RIN2: variants seen among roughly 807,000 people sequenced by gnomAD.
The protein encoded by RIN2 is RAB5 interacting protein 2.
A neutral mutation model predicts 78.0 loss-of-function variants in RIN2; 36 were observed. The observed-to-expected ratio is 0.46, with a 90% CI of 0.35 to 0.61. The LOEUF is 0.61. Among genes scored for constraint, RIN2 ranks in the 20% least tolerant of loss-of-function variants. RIN2 has a pLI of 0.00. For synonymous variants in RIN2, 466 were observed against 466.8 expected (o/e 1.00, Z 0.02); for missense variants, 1,087 against 1,159.7 (o/e 0.94, Z 0.91).
intron 2 of RIN2, chr20:19,823,736 G>A: frequency 6.3e-7 from 1 of 1,590,428 alleles, no homozygotes; most frequent in Non-Finnish European, 8.5e-7. Flanking sequence ...ACCTCAATCT[G>A]GGCCTGTCTG....
intron 12 of RIN2, among the ~76,000 whole-genome samples, chr20:19,999,257 G>C (rs2043067022): frequency 6.6e-6 from 1 of 151,956 alleles, no homozygotes; most frequent in African/African-American, 2.4e-5. Context: ...GTCAAACAGG[G>C]ATTATGTAGA....
chr20:19,965,112 G>T, intron 7 of RIN2, 88 bp downstream of exon 7: 1 of 1,052,448 alleles, frequency 9.5e-7, no homozygotes, highest in Non-Finnish European at 1.5e-6. Context: ...GATCTAGGAG[G>T]CTGGCCACCT....
At chr20:19,776,503 AGAT>A (rs2034315164) in intron 1 of RIN2, among the ~76,000 whole-genome samples, 1 of 152,082 alleles carries the variant, frequency 6.6e-6, no homozygotes, top group African/African-American at 2.4e-5. Context: ...AGGCTGAGGC[AGAT>A]GGTTCACCTG....
intron 2 of RIN2, among the ~76,000 whole-genome samples, chr20:19,828,527 C>G (rs924709873): frequency 6.6e-6 from 1 of 152,118 alleles, no homozygotes; most frequent in Non-Finnish European, 1.5e-5. Flanking sequence ...TCACTTCCTG[C>G]GTTGATGGTG....
At chr20:19,934,799 G>A (rs1217123047) in intron 3 of RIN2, among the ~76,000 whole-genome samples, 1 of 151,722 alleles carries the variant, frequency 6.6e-6, no homozygotes, top group African/African-American at 2.4e-5. Context: ...AAGCTAACTG[G>A]GTGTTATATT....
chr20:19,906,736 G>A (rs1157948228), intron 3 of RIN2, among the ~76,000 whole-genome samples: 2 of 152,134 alleles, frequency 1.3e-5, no homozygotes, highest in Non-Finnish European at 2.9e-5. Flanking sequence ...TAAGTCTCCT[G>A]ACTTTTGCAT....
intron 5 of RIN2, 108 bp downstream of exon 5, chr20:19,956,915 G>A: frequency 1.1e-6 from 1 of 944,730 alleles, no homozygotes. Flanking sequence ...CTTGTAAGGA[G>A]CATGTCTCTT....
intron 1 of RIN2, among the ~76,000 whole-genome samples, chr20:19,764,321 C>T (rs887354734): frequency 4.0e-5 from 6 of 150,664 alleles, no homozygotes; most frequent in Admixed American, 2.7e-4. Flanking sequence ...GACATCTGTC[C>T]TGTGTGGTAA....
At chr20:19,970,589 T>C (rs569821076) in intron 7 of RIN2, among the ~76,000 whole-genome samples, 3 of 152,272 alleles carry the variant, frequency 2.0e-5, no homozygotes, top group South Asian at 4.1e-4. Context: ...AGCAGGGCAA[T>C]TGGGTCCCTA....
chr20:19,888,359 A>C (rs149961289), intron 2 of RIN2, among the ~76,000 whole-genome samples: 32 of 152,288 alleles, frequency 2.1e-4, no homozygotes, highest in African/African-American at 7.7e-4. Context: ...TCACTCACTG[A>C]TATGCACTTC....
intron 1 of RIN2, among the ~76,000 whole-genome samples, chr20:19,799,184 A>G (rs1439609786): frequency 6.6e-6 from 1 of 152,186 alleles, no homozygotes; most frequent in Non-Finnish European, 1.5e-5. Flanking sequence ...TATAGAGGCC[A>G]GTCACTGTGC....
At chr20:19,810,861 A>AGT (rs2035573455) in intron 2 of RIN2, among the ~76,000 whole-genome samples, 1 of 136,716 alleles carries the variant, frequency 7.3e-6, no homozygotes, top group African/African-American at 3.0e-5. Context: ...GCCCGGCTAA[A>AGT]TTTTGTGTGT....
At chr20:19,866,234 A>G (rs1354549605) in intron 2 of RIN2, among the ~76,000 whole-genome samples, 2 of 152,076 alleles carry the variant, frequency 1.3e-5, no homozygotes, top group Non-Finnish European at 2.9e-5. Flanking sequence ...ATCTAATGCC[A>G]CTGCTGATCT....
chr20:19,917,478 A>C (rs1460240206), intron 3 of RIN2, among the ~76,000 whole-genome samples: 1 of 152,248 alleles, frequency 6.6e-6, no homozygotes. Context: ...TGTGAAATTT[A>C]AAAAGTGTAA....
intron 7 of RIN2, 70 bp from the exon 8 acceptor site, chr20:19,970,768 G>GATGAAA (rs1412786686): frequency 1.1e-5 from 13 of 1,222,276 alleles, no homozygotes; most frequent in Non-Finnish European, 1.5e-5. Context: ...ACATCTCTAT[G>GATGAAA]ATGAAAATAA....
intron 1 of RIN2, among the ~76,000 whole-genome samples, chr20:19,764,347 C>CT (rs2033775140): frequency 6.6e-6 from 1 of 152,092 alleles, no homozygotes; most frequent in Non-Finnish European, 1.5e-5. Context: ...GGCAGCTGTG[C>CT]ATGGAAACCT....
intron 4 of RIN2, among the ~76,000 whole-genome samples, chr20:19,950,716 T>G (rs1423529940): frequency 1.3e-5 from 2 of 151,996 alleles, no homozygotes; most frequent in Non-Finnish European, 2.9e-5. Flanking sequence ...CCATTTTATT[T>G]TATTTTATTT....
At chr20:19,904,390 G>A (rs1216933993) in intron 3 of RIN2, among the ~76,000 whole-genome samples, 2 of 152,000 alleles carry the variant, frequency 1.3e-5, no homozygotes, top group South Asian at 2.1e-4. Context: ...CCAGCCCTGG[G>A]CACCGGGTAT....
In RIN2 at chr20:19,934,415, G is replaced by T. The variant is rs2040553592; in HGVS notation, c.58-684G>T. 3.2e-6 allele frequency: 3 copies of T among 931,868 alleles called. No homozygotes were observed. The South Asian group carries it at 1.5e-4, about 46-fold the overall frequency. The allele number at this position is 931,868 out of a possible 1,614,324, so 57.7% of individuals were successfully genotyped here. On this transcript the variant is annotated intron_variant, in intron 3 of 12. Transcript: ENST00000255006. ...GTGAAAGATTTTAGACCAGCCTGAA[G>T]GGTCAGATGCAGGTGCATGGATAGG...
Sources: gnomAD v4.1 joint callset for allele counts (sites outside exome capture counted in the v4.1 genomes callset) on GRCh38, gnomAD v4.1.1 for gene constraint, MANE v1.5 for transcripts, NCBI Gene and HGNC (gene_info 2026-07-23, HGNC 2026-07-21) for gene names.